ARHGAP40: variants seen among roughly 807,000 people sequenced by gnomAD.
ARHGAP40 encodes Rho GTPase activating protein 40.
A neutral mutation model predicts 73.5 loss-of-function variants in ARHGAP40; 43 were observed. The ratio of observed to expected loss-of-function variants is 0.58; its 90% CI spans 0.46 to 0.75. The LOEUF is 0.75. Ranked by LOEUF, ARHGAP40 falls within the 30% of genes least tolerant of loss-of-function variation. The pLI is 0.00. For synonymous variants in ARHGAP40, 300 were observed against 352.8 expected, an observed-to-expected ratio of 0.85 and a Z score of 1.68; for missense variants, 734 against 861.8, an observed-to-expected ratio of 0.85 and a Z score of 1.86.
chr20:38,623,378 C>G, exon 2 of ARHGAP40: 1 of 1,290,350 alleles, frequency 7.7e-7, no homozygotes. Context: ...CTCCTCAGGC[C>G]GAATGGATCA....
intron 9 of ARHGAP40, 94 bp from the exon 10 acceptor site, chr20:38,641,632 C>A: frequency 2.2e-6 from 2 of 929,152 alleles, no homozygotes; most frequent in Non-Finnish European, 2.9e-6. Flanking sequence ...TGTCCCCTGG[C>A]TTTCCAGCTC....
chr20:38,632,667 T>C (rs2088948416), intron 5 of ARHGAP40, among the ~76,000 whole-genome samples: 1 of 152,164 alleles, frequency 6.6e-6, no homozygotes, highest in African/African-American at 2.4e-5. Context: ...AAATTATGAA[T>C]GATGATAATA....
intron 5 of ARHGAP40, among the ~76,000 whole-genome samples, chr20:38,633,742 C>T (rs1440719922): frequency 6.6e-6 from 1 of 152,238 alleles, no homozygotes; most frequent in East Asian, 1.9e-4. Context: ...CCTGGCCCTC[C>T]CGCTTGCCTT....
intron 14 of ARHGAP40, 135 bp from the exon 15 acceptor site, chr20:38,649,619 AAAG>A (rs1395906550): frequency 4.6e-6 from 2 of 431,268 alleles, no homozygotes; most frequent in African/African-American, 2.1e-5. Flanking sequence ...TTCTCCAGCA[AAAG>A]AAGTAGCTGT....
At chr20:38,604,979 G>T (rs1276434639) in intron 1 of ARHGAP40, among the ~76,000 whole-genome samples, 2 of 151,410 alleles carry the variant, frequency 1.3e-5, no homozygotes, top group Non-Finnish European at 2.9e-5. Flanking sequence ...CTGGAACAAG[G>T]TTGGTCTGTT....
At chr20:38,619,728 C>T (rs183265476) in intron 1 of ARHGAP40, among the ~76,000 whole-genome samples, 44 of 150,508 alleles carry the variant, frequency 2.9e-4, no homozygotes, top group African/African-American at 8.3e-4. Flanking sequence ...CCCCCAATCC[C>T]GTTGGGTCTG....
intron 3 of ARHGAP40, 52 bp from the exon 4 acceptor site, chr20:38,628,875 G>C (rs2088919335): frequency 8.1e-7 from 1 of 1,237,188 alleles, no homozygotes; most frequent in Non-Finnish European, 1.1e-6. Flanking sequence ...GGTTGTGTGA[G>C]CATTGTCAGC....
intron 1 of ARHGAP40, among the ~76,000 whole-genome samples, chr20:38,611,942 T>C (rs1298038025): frequency 6.8e-6 from 1 of 146,950 alleles, no homozygotes; most frequent in Non-Finnish European, 1.5e-5. Flanking sequence ...CAGGCTGATT[T>C]CCAACTCCTG....
intron 1 of ARHGAP40, among the ~76,000 whole-genome samples, chr20:38,621,417 C>G (rs528762565): frequency 6.6e-6 from 1 of 152,120 alleles, no homozygotes; most frequent in Non-Finnish European, 1.5e-5. Flanking sequence ...CAAATAAATG[C>G]GCTGTGTGGG....
At chr20:38,639,849 T>A (rs1406207295) in intron 9 of ARHGAP40, among the ~76,000 whole-genome samples, 1 of 152,260 alleles carries the variant, frequency 6.6e-6, no homozygotes, top group African/African-American at 2.4e-5. Context: ...TGTTCCTGTC[T>A]GGACTTCTTC....
At position 38,601,916 on chromosome 20, in the gene ARHGAP40, C is replaced by T. The variant is rs2088735780; in HGVS notation, c.-27C>T. ...AGCCCCACGGCGGCAGCACCACGACCGACCGGGATCCTCGAGGTGCCAGCC... is the reference window on the plus strand; with the variant it reads ...AGCCCCACGGCGGCAGCACCACGACTGACCGGGATCCTCGAGGTGCCAGCC... On this transcript the variant is annotated 5_prime_UTR_variant, in exon 1 of 15. An upstream open reading frame in the 5' UTR gains an earlier in-frame stop. Transcript: ENST00000373345. 3 of 1,287,364 alleles carry T rather than the reference C, an allele frequency of 2.3e-6. No homozygotes were observed. Among genetic ancestry groups the T allele is most frequent in the African/African-American group, 1.5e-5 (1 of 65,784 alleles). The allele number at this position is 1,287,364 out of a possible 1,614,324, so 79.7% of individuals were successfully genotyped here. A position where few individuals can be genotyped will look rare whatever the true frequency, so the allele number is the denominator to read the frequency against.
intron 2 of ARHGAP40, among the ~76,000 whole-genome samples, chr20:38,626,180 G>T (rs2088898095): frequency 6.6e-6 from 1 of 152,188 alleles, no homozygotes. Flanking sequence ...TGCCATAAAA[G>T]CAGTTTTGTT....
chr20:38,603,004 T>C (rs1251150177), intron 1 of ARHGAP40, among the ~76,000 whole-genome samples: 2 of 152,242 alleles, frequency 1.3e-5, no homozygotes, highest in African/African-American at 2.4e-5. Flanking sequence ...AAAATTCACA[T>C]CCTAGACTTG....
rs562507822 is a variant in ARHGAP40, at chr20:38,647,992, T to C, written c.1881-651T>C. 2.5e-4 allele frequency among the ~76,000 whole-genome samples: 38 copies of C among 152,334 alleles called. No individual in the cohort carries two copies. In the East Asian group the frequency reaches 6.4e-3, roughly 26 times the overall value. On this transcript the variant is annotated intron_variant, in intron 13 of 14. Coordinates refer to ENST00000373345, the Ensembl canonical transcript of ARHGAP40. ...GATCTGGAAGAAGGTCGGGGGCTGA[T>C]GTGCAGCCATCATTCCTAGGGTACA... is the stretch of plus-strand genomic sequence containing the variant.
chr20:38,636,714 A>G (rs1183082157), intron 6 of ARHGAP40, among the ~76,000 whole-genome samples: 2 of 152,190 alleles, frequency 1.3e-5, no homozygotes, highest in African/African-American at 2.4e-5. Flanking sequence ...TTTTGAATGC[A>G]TCTTAGCTTA....
At chr20:38,605,775 C>CACTTACATACGTGAGT (rs1601130852) in intron 1 of ARHGAP40, among the ~76,000 whole-genome samples, 2 of 152,170 alleles carry the variant, frequency 1.3e-5, no homozygotes, top group African/African-American at 4.8e-5. Context: ...CCAATCCATG[C>CACTTACATACGTGAGT]ACATAATTGT....
chr20:38,627,537 G>GTTGGGGTA (rs1370768713), intron 3 of ARHGAP40, among the ~76,000 whole-genome samples: 4 of 90,950 alleles, frequency 4.4e-5, no homozygotes, highest in Non-Finnish European at 8.2e-5. Flanking sequence ...GGGTATGTGT[G>GTTGGGGTA]TGTGTGTTGG....
intron 6 of ARHGAP40, among the ~76,000 whole-genome samples, chr20:38,635,499 A>G (rs1255604337): frequency 6.6e-6 from 1 of 152,080 alleles, no homozygotes; most frequent in Non-Finnish European, 1.5e-5. Flanking sequence ...CCCTGTCTCT[A>G]CAAAAAATAA....
At chr20:38,628,976 G>A in exon 4 of ARHGAP40, 1 of 1,305,122 alleles carries the variant, frequency 7.7e-7, no homozygotes, top group South Asian at 1.2e-5. Context: ...GCCCAGCTCA[G>A]TTCCGGGGCC....
Sources: allele counts gnomAD v4.1 joint callset (sites outside exome capture counted in the v4.1 genomes callset), GRCh38; gene constraint gnomAD v4.1.1; transcripts MANE v1.5; gene names NCBI Gene and HGNC (gene_info 2026-07-23, HGNC 2026-07-21).